The following KDM4C variants were observed in gnomAD, a reference collection of about 807,000 sequenced individuals.
The protein encoded by KDM4C is lysine demethylase 4C.
A neutral mutation model predicts 129.3 loss-of-function variants in KDM4C; 81 were observed. That is an observed-to-expected ratio of 0.63 (90% CI 0.52 to 0.75). The LOEUF is 0.75. Among genes scored for constraint, KDM4C ranks in the 30% least tolerant of loss-of-function variants. KDM4C has a pLI of 0.00. For synonymous variants in KDM4C, 573 were observed against 456.1 expected (o/e 1.26, Z -3.26); for missense variants, 1,457 against 1,304.0 (o/e 1.12, Z -1.81).
intron 8 of KDM4C, among the ~76,000 whole-genome samples, chr9:6,907,199 T>C (rs907195368): frequency 6.6e-6 from 1 of 152,258 alleles, no homozygotes; most frequent in African/African-American, 2.4e-5. Flanking sequence ...AGTTAAGGAA[T>C]ACTTCTTTAG....
At chr9:7,056,421 C>T (rs1830879207) in intron 17 of KDM4C, among the ~76,000 whole-genome samples, 1 of 151,488 alleles carries the variant, frequency 6.6e-6, no homozygotes, top group African/African-American at 2.4e-5. Flanking sequence ...GGGACTAGAT[C>T]CTATTGCAAG....
chr9:7,096,827 C>T (rs1836495619), intron 17 of KDM4C, among the ~76,000 whole-genome samples: 1 of 152,054 alleles, frequency 6.6e-6, no homozygotes, highest in South Asian at 2.1e-4. Flanking sequence ...AACCCAGAGC[C>T]CCTCAGAGAA....
chr9:6,822,962 C>G (rs1833281072), intron 4 of KDM4C, among the ~76,000 whole-genome samples: 2 of 152,194 alleles, frequency 1.3e-5, no homozygotes, highest in South Asian at 4.1e-4. Flanking sequence ...AAAGGATCAT[C>G]AGGTTTGTGT....
At chr9:7,028,608 A>C (rs1342989803) in intron 15 of KDM4C, among the ~76,000 whole-genome samples, 1 of 151,978 alleles carries the variant, frequency 6.6e-6, no homozygotes, top group East Asian at 1.9e-4. Flanking sequence ...CAGTAAGTTG[A>C]ATGTCCAGTG....
chr9:6,890,424 G>T (rs1845950926), intron 7 of KDM4C, among the ~76,000 whole-genome samples: 1 of 152,076 alleles, frequency 6.6e-6, no homozygotes, highest in Admixed American at 6.5e-5. Context: ...GTCTCAGTTG[G>T]AATACATTTT....
intron 8 of KDM4C, among the ~76,000 whole-genome samples, chr9:6,956,257 ATTGT>A (rs1829048555): frequency 6.6e-6 from 1 of 152,162 alleles, no homozygotes; most frequent in Admixed American, 6.5e-5. Context: ...GTGTAATTGG[ATTGT>A]TTGTAACTCA....
intron 15 of KDM4C, among the ~76,000 whole-genome samples, chr9:7,027,721 C>G (rs1200988966): frequency 6.6e-6 from 1 of 152,190 alleles, no homozygotes; most frequent in Non-Finnish European, 1.5e-5. Context: ...AGGTACCATC[C>G]AGGAGCTAGG....
chr9:6,876,911 C>T (rs1323407603), intron 5 of KDM4C, among the ~76,000 whole-genome samples: 1 of 152,138 alleles, frequency 6.6e-6, no homozygotes, highest in Non-Finnish European at 1.5e-5. Flanking sequence ...TTCGCATACA[C>T]AAATCTATCA....
chr9:6,733,307 G>A (rs1281381700), intron 1 of KDM4C, among the ~76,000 whole-genome samples: 1 of 152,258 alleles, frequency 6.6e-6, no homozygotes, highest in Non-Finnish European at 1.5e-5. Context: ...ATTGCCTACA[G>A]AAAGGGGCTT....
chr9:6,989,759 A>G lies in KDM4C; in HGVS notation c.1678-657A>G, dbSNP rs149381394. Among the ~76,000 whole-genome samples the G allele has an allele frequency of 1.3e-3, 195 of 152,190 alleles. 1 individual carries two copies. In the East Asian group the frequency reaches 0.032, roughly 25 times the overall value. ...AGAGCCACAGTCCTGTATTTTTATG[A>G]GAATGCAATCTTAGATTTACTTATT... On this transcript the variant is annotated intron_variant, in intron 11 of 21. Coordinates refer to ENST00000381309, the MANE Select transcript of KDM4C (RefSeq NM_015061.6).
chr9:6,888,100 T>A (rs1480731692), intron 7 of KDM4C, 37 bp downstream of exon 7: 1 of 1,126,930 alleles, frequency 8.9e-7, no homozygotes, highest in Non-Finnish European at 1.3e-6. Flanking sequence ...TTAATTTTGT[T>A]TGTGTAGGAT....
At chr9:7,029,892 G>A (rs1274851004) in intron 15 of KDM4C, among the ~76,000 whole-genome samples, 2 of 152,132 alleles carry the variant, frequency 1.3e-5, no homozygotes, top group African/African-American at 2.4e-5. Flanking sequence ...TAAGCCTATG[G>A]TGTCATTGTT....
chr9:7,043,862 A>C (rs1427828566), intron 15 of KDM4C, among the ~76,000 whole-genome samples: 2 of 152,026 alleles, frequency 1.3e-5, no homozygotes, highest in Admixed American at 1.3e-4. Flanking sequence ...TTACTTAGAA[A>C]GTCCCAGTAT....
At chr9:6,748,719 T>C (rs3181905) in intron 1 of KDM4C, 1 of 1,479,088 alleles carries the variant, frequency 6.8e-7, no homozygotes, top group South Asian at 1.1e-5. Context: ...GGAGACACTT[T>C]GTAGCAGAGT....
chr9:6,885,219 T>C (rs952948258), intron 6 of KDM4C, among the ~76,000 whole-genome samples: 2 of 152,246 alleles, frequency 1.3e-5, no homozygotes, highest in African/African-American at 4.8e-5. Flanking sequence ...ATCTGGTTTC[T>C]GTCCCTATCG....
At chr9:6,858,002 A>T (rs1221426338) in intron 5 of KDM4C, among the ~76,000 whole-genome samples, 1 of 146,706 alleles carries the variant, frequency 6.8e-6, no homozygotes, top group Non-Finnish European at 1.5e-5. Context: ...GAGCTAAGGC[A>T]GTCTACCCAC....
At chr9:6,873,903 C>G (rs573863083) in intron 5 of KDM4C, among the ~76,000 whole-genome samples, 50 of 136,194 alleles carry the variant, frequency 3.7e-4, no homozygotes, top group African/African-American at 1.3e-3. Flanking sequence ...CACTTAGAGG[C>G]GAGAGAGAGA....
At chr9:7,172,790 A>G (rs1845094397) in intron 21 of KDM4C, among the ~76,000 whole-genome samples, 1 of 152,184 alleles carries the variant, frequency 6.6e-6, no homozygotes, top group African/African-American at 2.4e-5. Context: ...TGTGTTTTCA[A>G]GTCCTAAAGT....
intron 8 of KDM4C, among the ~76,000 whole-genome samples, chr9:6,920,821 C>G (rs1479954985): frequency 1.3e-5 from 2 of 152,096 alleles, no homozygotes; most frequent in African/African-American, 2.4e-5. Context: ...GGAACTACTT[C>G]ACCTTCTTTG....
Sources: allele counts gnomAD v4.1 joint callset (sites outside exome capture counted in the v4.1 genomes callset), GRCh38; gene constraint gnomAD v4.1.1; transcripts MANE v1.5; gene names NCBI Gene and HGNC (gene_info 2026-07-23, HGNC 2026-07-21).